The following FRY variants were observed in gnomAD, a reference collection of about 807,000 sequenced individuals.
FRY encodes the protein protein furry homolog.
Under a neutral mutation model 348.4 loss-of-function variants are expected in FRY, and 128 were observed. That is an observed-to-expected ratio of 0.37 (90% CI 0.32 to 0.43). FRY has a LOEUF of 0.43. Ranked by LOEUF, FRY falls within the 20% of genes least tolerant of loss-of-function variation. FRY has a pLI of 1.00. For synonymous variants in FRY, 1,370 were observed against 1,374.7 expected, an observed-to-expected ratio of 1.00 and a Z score of 0.08; for missense variants, 2,736 against 3,695.2, an observed-to-expected ratio of 0.74 and a Z score of 6.73.
At chr13:32,079,943 T>C (rs1334754395) in intron 2 of FRY, among the ~76,000 whole-genome samples, 2 of 152,166 alleles carry the variant, frequency 1.3e-5, no homozygotes, top group African/African-American at 4.8e-5. Context: ...TTAAATACAA[T>C]ATTCTTAAGC....
intron 4 of FRY, among the ~76,000 whole-genome samples, chr13:32,122,987 G>A (rs1878768902): frequency 6.6e-6 from 1 of 152,072 alleles, no homozygotes; most frequent in South Asian, 2.1e-4. Context: ...TAACCAAGGA[G>A]TCGAAAGACC....
At chr13:32,293,365 G>T (rs915970006) in intron 59 of FRY, among the ~76,000 whole-genome samples, 1 of 152,130 alleles carries the variant, frequency 6.6e-6, no homozygotes, top group African/African-American at 2.4e-5. Context: ...ACCTACTTCT[G>T]TAGTAGGTAG....
At chr13:32,259,193 G>C (rs115436231) in intron 51 of FRY, among the ~76,000 whole-genome samples, 1 of 152,156 alleles carries the variant, frequency 6.6e-6, no homozygotes. Flanking sequence ...GGAGAGGAAG[G>C]ATGGAGGGTG....
chr13:32,254,709 A>G (rs1015799664), intron 51 of FRY, among the ~76,000 whole-genome samples: 4 of 152,182 alleles, frequency 2.6e-5, no homozygotes, highest in African/African-American at 9.7e-5. Context: ...ATCACAAAAA[A>G]CATTTCAGTT....
chr13:32,200,486 C>A (rs1883955173), intron 29 of FRY, among the ~76,000 whole-genome samples: 1 of 152,110 alleles, frequency 6.6e-6, no homozygotes, highest in Admixed American at 6.5e-5. Context: ...CTTTGGAAGG[C>A]CCAGTTGGGA....
intron 29 of FRY, among the ~76,000 whole-genome samples, chr13:32,194,575 CAAAG>C (rs748631466): frequency 1.3e-5 from 2 of 151,922 alleles, no homozygotes; most frequent in Non-Finnish European, 2.9e-5. Flanking sequence ...TTGAAAATGA[CAAAG>C]AAGATACATT....
At chr13:32,138,382 A>T (rs1330673442) in intron 11 of FRY, among the ~76,000 whole-genome samples, 2 of 152,178 alleles carry the variant, frequency 1.3e-5, no homozygotes, top group Non-Finnish European at 2.9e-5. Flanking sequence ...TTGGAATTAA[A>T]ATAATATTTT....
intron 53 of FRY, among the ~76,000 whole-genome samples, chr13:32,264,297 C>G (rs1040147266): frequency 1.3e-5 from 2 of 152,062 alleles, no homozygotes; most frequent in Non-Finnish European, 2.9e-5. Context: ...CAGTATTTAC[C>G]AGCAATTCCT....
chr13:32,043,560 T>C (rs1021477424), intron 1 of FRY, among the ~76,000 whole-genome samples: 15 of 152,200 alleles, frequency 9.9e-5, no homozygotes, highest in African/African-American at 3.6e-4. Context: ...GACTCTAGGA[T>C]AAACACTATA....
intron 36 of FRY, 52 bp from the exon 37 acceptor site, chr13:32,224,183 A>G: frequency 6.8e-7 from 1 of 1,476,492 alleles, no homozygotes; most frequent in East Asian, 2.3e-5. Context: ...AGTAGAGAAA[A>G]CAAGTCTCCT....
At chr13:32,067,060 TC>T (rs1206447512) in intron 1 of FRY, among the ~76,000 whole-genome samples, 1 of 152,188 alleles carries the variant, frequency 6.6e-6, no homozygotes, top group African/African-American at 2.4e-5. Context: ...ACTCTGCAGT[TC>T]CTTGGTGAAG....
chr13:32,209,642 A>C lies in FRY; in HGVS notation c.4333A>C (p.Asn1445His), dbSNP rs1884567908. Reference protein sequence around the residue: ...MENAWNALANNEKWSNNLRIT... With the variant: ...MENAWNALANHEKWSNNLRIT... ...AAATGCTTGGAATGCTTTAGCCAAC[A>C]ATGAGAAATGGAGCAACAACCTGAG... The change falls in exon 33 of 61, where the codon AAT (asparagine) becomes CAT (histidine). Residue 1445 changes from asparagine to histidine, a missense_variant. Asn to His is a moderately conservative substitution (Grantham distance 68, BLOSUM62 1). Transcript: ENST00000542859. The C allele has an allele frequency of 1.2e-6, 2 of 1,613,968 alleles. No individual in the cohort carries two copies. Among genetic ancestry groups the C allele is most frequent in the East Asian group, 4.5e-5 (2 of 44,898 alleles).
At chr13:32,042,740 G>C (rs561912762) in intron 1 of FRY, among the ~76,000 whole-genome samples, 1 of 152,200 alleles carries the variant, frequency 6.6e-6, no homozygotes, top group Non-Finnish European at 1.5e-5. Context: ...ACTTCCTCTT[G>C]CTTCTCTCTG....
intron 50 of FRY, chr13:32,254,013 T>G: frequency 1.7e-6 from 1 of 593,568 alleles, no homozygotes; most frequent in Non-Finnish European, 3.0e-6. Context: ...TTCTTGAACA[T>G]TTTCCTGGTG....
intron 2 of FRY, among the ~76,000 whole-genome samples, chr13:32,097,591 C>CATTTCTATCACATTACGTAA (rs1323196293): frequency 6.6e-6 from 1 of 152,098 alleles, no homozygotes; most frequent in African/African-American, 2.4e-5. Context: ...GAATTCCCAA[C>CATTTCTATCACATTACGTAA]ATCAGGTGAT....
intron 23 of FRY, among the ~76,000 whole-genome samples, chr13:32,180,169 A>G (rs895980392): frequency 6.6e-6 from 1 of 152,230 alleles, no homozygotes; most frequent in Non-Finnish European, 1.5e-5. Context: ...CAGATTCTCA[A>G]AGGTTAAGCA....
At chr13:32,121,324 T>C (rs1222648960) in intron 4 of FRY, among the ~76,000 whole-genome samples, 1 of 152,242 alleles carries the variant, frequency 6.6e-6, no homozygotes, top group Non-Finnish European at 1.5e-5. Context: ...AATTCTACTT[T>C]TAGTTCTTTA....
intron 33 of FRY, among the ~76,000 whole-genome samples, chr13:32,210,571 C>T (rs1353597101): frequency 6.6e-6 from 1 of 152,242 alleles, no homozygotes; most frequent in East Asian, 1.9e-4. Flanking sequence ...AAGATGAGAA[C>T]TTTGATGGCA....
At position 32,175,750 on chromosome 13, in the gene FRY, C is replaced by G. The variant is rs1223707208; in HGVS notation, c.2421+118C>G. 7.1e-6 allele frequency: 5 copies of G among 704,142 alleles called. No homozygotes were observed. The Admixed American group carries it at 1.0e-4, about 14-fold the overall frequency. The allele number at this position is 704,142 out of a possible 1,614,324, so 43.6% of individuals were successfully genotyped here. On this transcript the variant is annotated intron_variant, in intron 20 of 60. Coordinates refer to ENST00000542859, the MANE Select transcript of FRY (RefSeq NM_023037.3). ...TTTATGTCAGATTAATAAACTGACC[C>G]AAAGGTACTTATGAAGATAAGACTA...
Sources: gnomAD v4.1 joint callset for allele counts (sites outside exome capture counted in the v4.1 genomes callset) on GRCh38, gnomAD v4.1.1 for gene constraint, MANE v1.5 for transcripts, NCBI Gene and HGNC (gene_info 2026-07-23, HGNC 2026-07-21) for gene names.